DOCK2: variants seen among roughly 807,000 people sequenced by gnomAD.
The protein encoded by DOCK2 is dedicator of cytokinesis 2.
Under a neutral mutation model 248.9 loss-of-function variants are expected in DOCK2, and 87 were observed. That is an observed-to-expected ratio of 0.35 (90% confidence interval 0.29 to 0.42). The LOEUF (loss-of-function observed/expected upper bound fraction) is 0.42, where lower values mean the gene tolerates loss of function less well. Ranked by LOEUF, DOCK2 falls within the 10% of genes least tolerant of loss-of-function variation. The pLI is 1.00. For synonymous variants in DOCK2, 805 were observed against 821.6 expected, an observed-to-expected ratio of 0.98 and a Z score of 0.35; for missense variants, 1,747 against 2,300.2, an observed-to-expected ratio of 0.76 and a Z score of 4.92.
At chr5:169,838,181 A>G (rs1769709629) in intron 26 of DOCK2, among the ~76,000 whole-genome samples, 1 of 152,172 alleles carries the variant, frequency 6.6e-6, no homozygotes, top group Non-Finnish European at 1.5e-5. Context: ...ATCTTGACAG[A>G]TGGAAGGTGG....
Position 169,700,096 on chromosome 5 carries a change from C to T in DOCK2, c.1215C>T (p.Thr405=), listed in dbSNP as rs141406325. The T allele has an allele frequency of 8.7e-5, 140 of 1,613,944 alleles. No homozygotes were observed. In the African/African-American group the frequency reaches 1.4e-3, roughly 16 times the overall value. ...ATCCACACCTGGTGGACAGGACCAC[C>T]GTGGTGGCCAGGAAGCTGGGATTCC... The part of the protein sequence containing the change: ...KDYPHLVDRT[T]VVARKLGFPE... The change falls in exon 13 of 52, where the codon ACC becomes ACT. Residue 405 remains threonine (T), a synonymous_variant. Coordinates refer to ENST00000520908, the MANE Select transcript of DOCK2 (RefSeq NM_004946.3).
rs748633577 is a variant in DOCK2, at chr5:169,718,769, C to T, written c.2245C>T (p.Arg749Trp). 6 of 1,613,438 alleles carry T rather than the reference C, an allele frequency of 3.7e-6. No individual in the cohort carries two copies. Among genetic ancestry groups the T allele is most frequent in the Non-Finnish European group, 4.2e-6 (5 of 1,179,542 alleles). ...GGAATATGTGTTCAAGTTCATTGTTCGGTCGAGGACATTATTTTCACAGTG... is the reference window on the plus strand; with the variant it reads ...GGAATATGTGTTCAAGTTCATTGTTTGGTCGAGGACATTATTTTCACAGTG... Reference protein sequence around the residue: ...ALEYVFKFIVRSRTLFSQLYE... With the variant: ...ALEYVFKFIVWSRTLFSQLYE... Residue 749 changes from arginine (R) to tryptophan (W), a missense_variant, in exon 22 of 52, where the codon CGG becomes TGG. Transcript: ENST00000520908.
intron 2 of DOCK2, 89 bp downstream of exon 2, chr5:169,654,575 C>T (rs905918483): frequency 1.5e-6 from 2 of 1,349,404 alleles, no homozygotes; most frequent in Admixed American, 2.0e-5. Context: ...GTCTCTGAAC[C>T]TGCAACTGTG....
At chr5:169,779,693 C>G (rs1160779799) in intron 25 of DOCK2, among the ~76,000 whole-genome samples, 1 of 152,076 alleles carries the variant, frequency 6.6e-6, no homozygotes, top group Non-Finnish European at 1.5e-5. Flanking sequence ...TTGTTCTGTC[C>G]CCACCCCACC....
At chr5:169,862,065 T>C (rs193246029) in intron 27 of DOCK2, among the ~76,000 whole-genome samples, 1 of 152,316 alleles carries the variant, frequency 6.6e-6, no homozygotes, top group East Asian at 1.9e-4. Context: ...AGCTTATTAA[T>C]TTTGTGTGAG....
rs1321888504 is a variant in DOCK2, at chr5:169,877,101, A to G, written c.2799+36249A>G. On this transcript the variant is annotated intron_variant, in intron 27 of 51. Coordinates refer to ENST00000520908, the MANE Select transcript of DOCK2 (RefSeq NM_004946.3). ...AACTGACATTTAAGCTGCAAGACTA[A>G]GAAATATCCACACAAAGCAGGGCAG... is the stretch of plus-strand genomic sequence containing the variant. 2.6e-5 allele frequency among the ~76,000 whole-genome samples: 4 copies of G among 152,340 alleles called. No individual in the cohort carries two copies. The East Asian group carries it at 7.7e-4, about 29-fold the overall frequency.
chr5:169,721,567 G>A (rs1425782945), intron 22 of DOCK2, among the ~76,000 whole-genome samples: 2 of 152,176 alleles, frequency 1.3e-5, no homozygotes, highest in East Asian at 1.9e-4. Context: ...AATCAGAATT[G>A]AATTATTGGT....
intron 6 of DOCK2, among the ~76,000 whole-genome samples, chr5:169,680,452 T>C (rs113220171): frequency 0.016 from 2,458 of 152,332 alleles, 38 homozygotes; most frequent in East Asian, 0.031. Flanking sequence ...GAAAGCAAGC[T>C]GTGGGTAACA....
At chr5:170,008,395 C>A in intron 30 of DOCK2, 102 bp from the exon 31 acceptor site, 1 of 1,253,912 alleles carries the variant, frequency 8.0e-7, no homozygotes, top group Non-Finnish European at 1.1e-6. Flanking sequence ...CTGGTTCGGC[C>A]TCTGTCTTCT....
At chr5:169,825,223 G>A (rs965495327) in intron 26 of DOCK2, among the ~76,000 whole-genome samples, 2 of 152,092 alleles carry the variant, frequency 1.3e-5, no homozygotes, top group African/African-American at 2.4e-5. Context: ...GATTCCTCAG[G>A]GATCTAGAAC....
chr5:169,874,550 C>A (rs188376375), intron 27 of DOCK2, among the ~76,000 whole-genome samples: 4 of 152,058 alleles, frequency 2.6e-5, no homozygotes, highest in Admixed American at 2.6e-4. Flanking sequence ...GGTGACCATA[C>A]CCCTATCCTG....
chr5:169,714,439 T>C lies in DOCK2; in HGVS notation c.1923T>C (p.Asp641=). ...QENLEKLKIV[D]GEEVVKFLQD... ...ATTTAGAAAAGTTGAAGATTGTGGA[T>C]GGAGAGGAAGTGGTGAAGGTCAGTG... is the stretch of plus-strand genomic sequence containing the variant. The change falls in exon 19 of 52, where the codon GAT becomes GAC. Residue 641 remains aspartate (D), a synonymous_variant. Coordinates refer to ENST00000520908, the MANE Select transcript of DOCK2 (RefSeq NM_004946.3). The C allele has an allele frequency of 6.2e-7, 1 of 1,614,076 alleles. No homozygotes were observed.
At chr5:169,712,576 G>A (rs1761646947) in intron 17 of DOCK2, among the ~76,000 whole-genome samples, 1 of 152,214 alleles carries the variant, frequency 6.6e-6, no homozygotes, top group Admixed American at 6.5e-5. Flanking sequence ...TGTAGAGGAT[G>A]TACAATAAAC....
chr5:169,814,974 A>T (rs766568980), intron 26 of DOCK2, among the ~76,000 whole-genome samples: 5 of 152,234 alleles, frequency 3.3e-5, no homozygotes, highest in Non-Finnish European at 7.4e-5. Context: ...ATGAATAATT[A>T]GGTAATTGCA....
chr5:169,805,285 C>G (rs1767291232), intron 26 of DOCK2, among the ~76,000 whole-genome samples: 2 of 151,560 alleles, frequency 1.3e-5, no homozygotes, highest in Admixed American at 6.6e-5. Context: ...ACCTATAGTC[C>G]TAGCTGCTTG....
chr5:170,039,930 A>G (rs1171977947), intron 36 of DOCK2, among the ~76,000 whole-genome samples: 1 of 152,204 alleles, frequency 6.6e-6, no homozygotes, highest in Non-Finnish European at 1.5e-5. Context: ...TGCTAATGAT[A>G]TGCAGGTCAC....
chr5:170,023,216 G>A (rs1443126545), intron 33 of DOCK2, among the ~76,000 whole-genome samples: 1 of 152,146 alleles, frequency 6.6e-6, no homozygotes, highest in African/African-American at 2.4e-5. Context: ...TCTTCTCTCA[G>A]AGAAAGAAGA....
At chr5:169,756,524 G>C (rs1368630125) in intron 23 of DOCK2, among the ~76,000 whole-genome samples, 5 of 152,178 alleles carry the variant, frequency 3.3e-5, no homozygotes. Context: ...GAGGCTCAAG[G>C]AGTGAACAAA....
chr5:170,054,418 A>G (rs1757035031), intron 41 of DOCK2, among the ~76,000 whole-genome samples: 1 of 152,222 alleles, frequency 6.6e-6, no homozygotes, highest in Non-Finnish European at 1.5e-5. Flanking sequence ...AGTTTGCCAT[A>G]TTGTCAGCTT....
Sources: allele counts gnomAD v4.1 joint callset (sites outside exome capture counted in the v4.1 genomes callset), GRCh38; gene constraint gnomAD v4.1.1; transcripts MANE v1.5; gene names NCBI Gene and HGNC (gene_info 2026-07-23, HGNC 2026-07-21).